The following CDH13 variants were observed in gnomAD, a reference collection of about 807,000 sequenced individuals.
The protein encoded by CDH13 is cadherin-13.
A neutral mutation model predicts 63.8 loss-of-function variants in CDH13; 24 were observed. That is an observed-to-expected ratio of 0.38 (90% CI 0.27 to 0.53). The LOEUF (loss-of-function observed/expected upper bound fraction) is 0.53. CDH13 is among the 20% of genes least tolerant of loss of function. CDH13 has a pLI of 0.85. For missense variants in CDH13, 1,049 were observed against 903.1 expected (o/e 1.16, Z -2.07); for synonymous variants, 503 against 355.3 (o/e 1.42, Z -4.67).
chr16:83,782,653 T>C (rs1241600456), intron 12 of CDH13, among the ~76,000 whole-genome samples: 1 of 151,494 alleles, frequency 6.6e-6, no homozygotes, highest in Non-Finnish European at 1.5e-5. Context: ...GGAGAATCAT[T>C]TGAACCCAGG....
intron 7 of CDH13, among the ~76,000 whole-genome samples, chr16:83,566,777 C>T (rs939827893): frequency 1.3e-5 from 2 of 152,158 alleles, no homozygotes; most frequent in African/African-American, 4.8e-5. Context: ...TTTTCATCTG[C>T]CTGGTGTTCT....
At chr16:82,777,045 A>T (rs1306203216) in intron 1 of CDH13, among the ~76,000 whole-genome samples, 1 of 152,246 alleles carries the variant, frequency 6.6e-6, no homozygotes, top group African/African-American at 2.4e-5. Flanking sequence ...TTCTGAGTTC[A>T]AATGATCCTT....
intron 4 of CDH13, among the ~76,000 whole-genome samples, chr16:83,136,706 C>T (rs1004404378): frequency 2.0e-5 from 3 of 152,026 alleles, no homozygotes; most frequent in Admixed American, 1.3e-4. Context: ...AGGGATGTTC[C>T]GCAGCCTGAA....
intron 1 of CDH13, among the ~76,000 whole-genome samples, chr16:82,780,081 G>C (rs1278415649): frequency 6.6e-6 from 1 of 152,130 alleles, no homozygotes; most frequent in Non-Finnish European, 1.5e-5. Context: ...GCTGAAATCT[G>C]TGACTTAAAT....
intron 11 of CDH13, among the ~76,000 whole-genome samples, chr16:83,761,499 A>G (rs1913965502): frequency 6.6e-6 from 1 of 152,214 alleles, no homozygotes; most frequent in African/African-American, 2.4e-5. Context: ...AGATTTATGG[A>G]CAGAAAAAGG....
intron 6 of CDH13, among the ~76,000 whole-genome samples, chr16:83,483,049 C>G (rs2073808535): frequency 6.6e-6 from 1 of 152,184 alleles, no homozygotes; most frequent in South Asian, 2.1e-4. Context: ...GAAATCCTCA[C>G]AACAACCAAA....
intron 6 of CDH13, among the ~76,000 whole-genome samples, chr16:83,476,490 T>C (rs1203147301): frequency 6.6e-6 from 1 of 152,192 alleles, no homozygotes; most frequent in Non-Finnish European, 1.5e-5. Flanking sequence ...CTGGCCAACA[T>C]GGTAAAACCA....
intron 6 of CDH13, among the ~76,000 whole-genome samples, chr16:83,426,259 T>C (rs1028716456): frequency 1.3e-5 from 2 of 152,208 alleles, no homozygotes; most frequent in Non-Finnish European, 2.9e-5. Context: ...TGGTTCAGTT[T>C]TCCTGTCTCC....
At chr16:82,723,939 A>G (rs1347474434) in intron 1 of CDH13, among the ~76,000 whole-genome samples, 2 of 152,122 alleles carry the variant, frequency 1.3e-5, no homozygotes, top group Non-Finnish European at 2.9e-5. Context: ...GCAGGCAATA[A>G]CAGATGATGT....
chr16:83,612,511 G>C (rs1908944263), intron 8 of CDH13, among the ~76,000 whole-genome samples: 1 of 151,840 alleles, frequency 6.6e-6, no homozygotes, highest in Non-Finnish European at 1.5e-5. Flanking sequence ...TACATTTAAT[G>C]CAAGTACAAC....
chr16:82,995,969 C>T (rs554370658), intron 2 of CDH13, among the ~76,000 whole-genome samples: 11 of 152,256 alleles, frequency 7.2e-5, no homozygotes, highest in Non-Finnish European at 1.5e-4. Flanking sequence ...AACCATGCAT[C>T]GCTGTTTGTC....
chr16:83,378,692 C>A (rs1380401555), intron 6 of CDH13, among the ~76,000 whole-genome samples: 1 of 152,062 alleles, frequency 6.6e-6, no homozygotes, highest in East Asian at 1.9e-4. Context: ...CTGCTCTGAG[C>A]CTTAGTTTCT....
intron 6 of CDH13, among the ~76,000 whole-genome samples, chr16:83,378,456 G>T (rs1163811737): frequency 6.6e-6 from 1 of 152,132 alleles, no homozygotes; most frequent in Non-Finnish European, 1.5e-5. Flanking sequence ...TGTCTGCAAC[G>T]ATAATATATG....
chr16:82,747,190 T>C (rs567472430), intron 1 of CDH13, among the ~76,000 whole-genome samples: 29 of 152,282 alleles, frequency 1.9e-4, no homozygotes, highest in African/African-American at 6.7e-4. Context: ...TATTTTATGA[T>C]GGAGAAAAAA....
At position 83,678,193 on chromosome 16, in the gene CDH13, C is replaced by T. The variant is rs1332621021; in HGVS notation, c.1285-15C>T. On this transcript the variant is annotated splice_polypyrimidine_tract_variant and intron_variant, in intron 9 of 13. Coordinates refer to ENST00000567109, the MANE Select transcript of CDH13 (RefSeq NM_001257.5). ...GGCTGGTGTGCATCCTGAGACCCTT[C>T]TGTCTGCTTTCCAGCCATTGGACTA... is the stretch of plus-strand genomic sequence containing the variant. 1.9e-6 allele frequency: 3 copies of T among 1,602,770 alleles called. No individual in the cohort carries two copies. Among genetic ancestry groups the T allele is most frequent in the Non-Finnish European group, 1.7e-6 (2 of 1,171,950 alleles).
chr16:82,972,566 T>G (rs892940816), intron 2 of CDH13, among the ~76,000 whole-genome samples: 1 of 152,182 alleles, frequency 6.6e-6, no homozygotes, highest in African/African-American at 2.4e-5. Flanking sequence ...CAAAGTGCAG[T>G]AGTAACAGCA....
intron 6 of CDH13, among the ~76,000 whole-genome samples, chr16:83,359,799 T>C (rs1163882054): frequency 6.6e-6 from 1 of 152,224 alleles, no homozygotes; most frequent in African/African-American, 2.4e-5. Context: ...ATCATTCATA[T>C]ACCATACAAT....
intron 10 of CDH13, among the ~76,000 whole-genome samples, chr16:83,712,744 T>C (rs1908257968): frequency 6.6e-6 from 1 of 152,242 alleles, no homozygotes; most frequent in African/African-American, 2.4e-5. Context: ...AGACATTGTT[T>C]TCCTCTAAGT....
At chr16:82,672,129 T>C (rs191735205) in intron 1 of CDH13, among the ~76,000 whole-genome samples, 1 of 152,344 alleles carries the variant, frequency 6.6e-6, no homozygotes. Context: ...AAATTCTAAC[T>C]CAGTAACTTC....
Sources: gnomAD v4.1 joint callset for allele counts (sites outside exome capture counted in the v4.1 genomes callset) on GRCh38, gnomAD v4.1.1 for gene constraint, MANE v1.5 for transcripts, NCBI Gene and HGNC (gene_info 2026-07-23, HGNC 2026-07-21) for gene names.